Variants in TPP2 observed in about 807,000 individuals in gnomAD.
TPP2 encodes the protein tripeptidyl-peptidase 2.
In TPP2, 34 loss-of-function variants were observed where a neutral mutation model predicts 155.9. That is an observed-to-expected ratio of 0.22 (90% CI 0.17 to 0.29). The LOEUF is 0.29. Among genes scored for constraint, TPP2 ranks in the 10% least tolerant of loss-of-function variants. TPP2 has a pLI of 1.00. For missense variants in TPP2, 1,028 were observed against 1,522.3 expected, an observed-to-expected ratio of 0.68 and a Z score of 5.40; for synonymous variants, 510 against 529.4, an observed-to-expected ratio of 0.96 and a Z score of 0.50.
rs1483993032 is a variant in TPP2 at position 102,597,027 on chromosome 13, C to T, written c.-12C>T. 12 of 1,611,016 alleles carry T rather than the reference C, an allele frequency of 7.4e-6. No individual in the cohort carries two copies. The highest frequency in any genetic ancestry group is 1.1e-5 in the South Asian group (1 of 90,976). Reference sequence around the variant, plus strand: ...GGCAGTTTGCCGCTTCCTCGTCCTCCATCCTGCGTCCATGGCCACCGCTGC... The same window carrying T: ...GGCAGTTTGCCGCTTCCTCGTCCTCTATCCTGCGTCCATGGCCACCGCTGC... On this transcript the variant is annotated 5_prime_UTR_variant, in exon 1 of 30. Coordinates refer to ENST00000376052, the MANE Select transcript of TPP2 (RefSeq NM_001330588.2).
At position 102,644,978 on chromosome 13, in the gene TPP2, A is replaced by C. The variant is rs767357465; in HGVS notation, c.2362A>C (p.Ile788Leu). The C allele has an allele frequency of 2.5e-6, 4 of 1,614,084 alleles. No homozygotes were observed. The African/African-American group carries it at 4.0e-5, about 16-fold the overall frequency. The part of the protein sequence containing the change: ...SLKYEDLAPC[I>L]TLKNWVQTLR... ...GAAATACGAAGATCTGGCTCCCTGC[A>C]TAACTTTGAAGAACTGGGTCCAAAC... is the stretch of plus-strand genomic sequence containing the variant. The change falls in exon 19 of 30, where the codon ATA (isoleucine) becomes CTA (leucine). Residue 788 changes from isoleucine to leucine, a missense_variant. Physicochemically the swap from Ile to Leu is conservative, Grantham distance 5. This residue lies in a region of TPP2 where 325 missense variants were observed against 463.7 expected (regional missense o/e 0.70). Transcript: ENST00000376052.
intron 24 of TPP2, 147 bp downstream of exon 24, chr13:102,651,544 C>A: frequency 1.4e-6 from 1 of 710,832 alleles, no homozygotes; most frequent in Non-Finnish European, 2.1e-6. Flanking sequence ...CTTAGCTGTA[C>A]TTAGAAGCAT....
At chr13:102,640,159 T>G (rs1566348321) in intron 15 of TPP2, 111 bp from the exon 16 acceptor site, 5 of 832,640 alleles carry the variant, frequency 6.0e-6, no homozygotes, top group Non-Finnish European at 8.9e-6. Context: ...AGCTTCTAAG[T>G]CCCTGTGTTT....
chr13:102,677,376 C>CG (rs1423726198), intron 29 of TPP2, among the ~76,000 whole-genome samples: 2 of 152,088 alleles, frequency 1.3e-5, no homozygotes, highest in Admixed American at 6.5e-5. Context: ...ACTCTGCCCC[C>CG]CCCGCTGCCT....
intron 14 of TPP2, 78 bp downstream of exon 14, chr13:102,637,317 T>C: frequency 6.9e-7 from 1 of 1,443,060 alleles, no homozygotes; most frequent in South Asian, 1.3e-5. Context: ...AAAGTATATT[T>C]GCAATATATT....
In TPP2 at chr13:102,678,257, G is replaced by T; in HGVS notation, c.3730G>T (p.Ala1244Ser). The T allele has an allele frequency of 6.2e-7, 1 of 1,613,586 alleles. No individual in the cohort carries two copies. Among genetic ancestry groups the T allele is most frequent in the African/African-American group, 1.3e-5 (1 of 74,988 alleles). Residue 1244 changes from alanine to serine, a missense_variant, in exon 30 of 30, where the codon GCA becomes TCA. Transcript: ENST00000376052. ...GAAGTTACTTGGATGGACCCATTGTGCATCTTTTACTGAAAACTGGCTCCC... is the reference window on the plus strand; with the variant it reads ...GAAGTTACTTGGATGGACCCATTGTTCATCTTTTACTGAAAACTGGCTCCC... ...LMKLLGWTHC[A>S]SFTENWLPIM... is the part of the protein sequence containing the mutation.
chr13:102,651,233 G>C, intron 23 of TPP2, 126 bp from the exon 24 acceptor site: 1 of 975,922 alleles, frequency 1.0e-6, no homozygotes, highest in South Asian at 2.2e-5. Flanking sequence ...CTTAATCACA[G>C]ACCTGAGCCT....
chr13:102,672,022 G>A (rs907179147), intron 27 of TPP2, among the ~76,000 whole-genome samples: 1 of 152,150 alleles, frequency 6.6e-6, no homozygotes, highest in Non-Finnish European at 1.5e-5. Context: ...CTTACTGACT[G>A]CGCAGTCTCT....
intron 25 of TPP2, among the ~76,000 whole-genome samples, chr13:102,661,051 G>A (rs1303950527): frequency 2.6e-5 from 4 of 151,974 alleles, no homozygotes; most frequent in Non-Finnish European, 5.9e-5. Context: ...AAACTTTCAT[G>A]ACCTTATATT....
At position 102,646,550 on chromosome 13, in the gene TPP2, T is replaced by C. The variant is rs184914652; in HGVS notation, c.2490+160T>C. Among the ~76,000 whole-genome samples, 20 of 152,354 alleles carry C rather than the reference T, an allele frequency of 1.3e-4. No homozygotes were observed. In the East Asian group the frequency reaches 3.5e-3, roughly 26 times the overall value. ...GGAATTACTCTTTAGGAAATTATAA[T>C]TTGTAATTAAATACCATTCAGTTGT... On this transcript the variant is annotated intron_variant, in intron 20 of 29. Transcript: ENST00000376052.
Position 102,627,135 on chromosome 13 carries a change from C to G in TPP2, c.908C>G (p.Thr303Arg), listed in dbSNP as rs1460827516. The change falls in exon 7 of 30, where the codon ACA (threonine) becomes AGA (arginine). Residue 303 changes from threonine (T) to arginine (R), a missense_variant. By Grantham distance (71) the Thr-to-Arg change is moderately conservative. Transcript: ENST00000376052. ...AAGATTGGTGATACAAGACTAAGCACAATGGAAACAGGCACAGGCCTCATA... is the reference window on the plus strand; with the variant it reads ...AAGATTGGTGATACAAGACTAAGCAGAATGGAAACAGGCACAGGCCTCATA... ...SIKIGDTRLS[T>R]METGTGLIRA... is the part of the protein sequence containing the mutation. The G allele has an allele frequency of 6.2e-7, 1 of 1,603,596 alleles. No individual in the cohort carries two copies. Among genetic ancestry groups the G allele is most frequent in the Non-Finnish European group, 8.5e-7 (1 of 1,175,110 alleles).
intron 5 of TPP2, among the ~76,000 whole-genome samples, chr13:102,620,295 TTAATC>T (rs1375311809): frequency 4.3e-4 from 66 of 152,210 alleles, no homozygotes; most frequent in African/African-American, 1.5e-3. Context: ...GAAATGAAAT[TTAATC>T]TAACATTAAG....
intron 14 of TPP2, among the ~76,000 whole-genome samples, chr13:102,637,642 T>C (rs768504909): frequency 1.2e-4 from 18 of 152,138 alleles, no homozygotes; most frequent in Admixed American, 3.9e-4. Flanking sequence ...CCTTGAACTC[T>C]TGGGCTCAAG....
At chr13:102,661,689 T>TA (rs991022231) in intron 25 of TPP2, among the ~76,000 whole-genome samples, 1 of 152,188 alleles carries the variant, frequency 6.6e-6, no homozygotes, top group Non-Finnish European at 1.5e-5. Flanking sequence ...TCAAAATCGT[T>TA]AGTCTTCAGG....
At position 102,657,079 on chromosome 13, in the gene TPP2, C is replaced by G; in HGVS notation, c.3015C>G (p.Tyr1005Ter). The G allele has an allele frequency of 6.3e-7, 1 of 1,592,770 alleles. No individual in the cohort carries two copies. Among genetic ancestry groups the G allele is most frequent in the Non-Finnish European group, 8.5e-7 (1 of 1,173,664 alleles). The change falls in exon 25 of 30, where the codon TAC (tyrosine) becomes TAG (stop). Residue 1005 changes from tyrosine (Y) to a stop codon, truncating the protein, a stop_gained. Transcript: ENST00000376052. LOFTEE classifies it high-confidence loss of function. ...FKKDVIPVHY[Y>*]LIPPPTKTKN... ...AGGATGTAATCCCTGTTCATTACTA[C>G]TTAATACCTCCACCAACAAAGACTA...
At chr13:102,658,781 C>T (rs1426668645) in intron 25 of TPP2, among the ~76,000 whole-genome samples, 2 of 152,090 alleles carry the variant, frequency 1.3e-5, no homozygotes, top group South Asian at 2.1e-4. Context: ...AGGCTTTCCT[C>T]CTTGGAGGAG....
In TPP2 at chr13:102,651,256, A is replaced by C; in HGVS notation, c.2953-103A>C. On this transcript the variant is annotated intron_variant, in intron 23 of 29. Transcript: ENST00000376052. ...CAGACCTGAGCCTTCTAAGTGGTGTAACACAGGTGGAACATAAACTGAAAG... is the reference window on the plus strand; with the variant it reads ...CAGACCTGAGCCTTCTAAGTGGTGTCACACAGGTGGAACATAAACTGAAAG... 3 of 1,335,998 alleles carry C rather than the reference A, an allele frequency of 2.2e-6. No homozygotes were observed. In the East Asian group the frequency reaches 7.7e-5, roughly 34 times the overall value. 82.8% of individuals were successfully genotyped at this position (1,335,998 alleles called of 1,614,324 possible).
intron 6 of TPP2, among the ~76,000 whole-genome samples, chr13:102,626,166 A>G (rs1396471349): frequency 6.6e-6 from 1 of 152,186 alleles, no homozygotes; most frequent in Middle Eastern, 3.2e-3. Context: ...CTCCATTGCC[A>G]CATTAGTTTG....
intron 27 of TPP2, among the ~76,000 whole-genome samples, chr13:102,670,171 T>TTG (rs1555306226): frequency 6.6e-6 from 1 of 151,260 alleles, no homozygotes; most frequent in Non-Finnish European, 1.5e-5. Context: ...GTATTGTGGG[T>TTG]GGGGGGGTGT....
Sources: gnomAD v4.1 joint callset for allele counts (sites outside exome capture counted in the v4.1 genomes callset) on GRCh38, gnomAD v4.1.1 for gene constraint, gnomAD v4.1.1 regional missense constraint, MANE v1.5 for transcripts, NCBI Gene and HGNC (gene_info 2026-07-23, HGNC 2026-07-21) for gene names.